ULK4: variants seen among roughly 807,000 people sequenced by gnomAD.
ULK4 encodes unc-51 like kinase 4.
ULK4 carries 133 observed loss-of-function variants against 160.6 expected under a neutral mutation model. The ratio of observed to expected loss-of-function variants is 0.83; its 90% CI spans 0.72 to 0.96. The LOEUF (loss-of-function observed/expected upper bound fraction) is 0.96, where lower values mean the gene tolerates loss of function less well. Ranked by LOEUF, ULK4 falls within the 40% of genes least tolerant of loss-of-function variation. ULK4 has a pLI of 0.00. For missense variants in ULK4, 1,580 were observed against 1,499.5 expected, an observed-to-expected ratio of 1.05 and a Z score of -0.89; for synonymous variants, 534 against 539.8, an observed-to-expected ratio of 0.99 and a Z score of 0.15.
intron 34 of ULK4, among the ~76,000 whole-genome samples, chr3:41,442,648 T>C (rs185932294): frequency 1.3e-5 from 2 of 152,152 alleles, no homozygotes; most frequent in African/African-American, 2.4e-5. Flanking sequence ...GGCTGGAGTG[T>C]AGTGGTGTCA....
chr3:41,293,755 TC>T (rs560491651), intron 35 of ULK4, among the ~76,000 whole-genome samples: 72 of 152,348 alleles, frequency 4.7e-4, no homozygotes, highest in African/African-American at 1.7e-3. Flanking sequence ...TGAAACAATG[TC>T]TGGCATACAG....
chr3:41,753,121 G>C (rs1224125754), intron 22 of ULK4, among the ~76,000 whole-genome samples: 2 of 152,142 alleles, frequency 1.3e-5, no homozygotes, highest in African/African-American at 4.8e-5. Context: ...AAGCTGAAAT[G>C]AGAGGATCGC....
intron 31 of ULK4, among the ~76,000 whole-genome samples, chr3:41,572,188 C>G (rs1452021386): frequency 6.6e-6 from 1 of 152,086 alleles, no homozygotes; most frequent in Non-Finnish European, 1.5e-5. Context: ...AAACCTTGCC[C>G]CTAATCACCA....
At chr3:41,728,823 A>G (rs970947108) in intron 22 of ULK4, among the ~76,000 whole-genome samples, 3 of 152,166 alleles carry the variant, frequency 2.0e-5, no homozygotes, top group Admixed American at 6.5e-5. Context: ...ACAAAAATGA[A>G]AAGATATATA....
At chr3:41,744,511 T>A (rs1001491137) in intron 22 of ULK4, among the ~76,000 whole-genome samples, 3 of 151,810 alleles carry the variant, frequency 2.0e-5, no homozygotes, top group Non-Finnish European at 4.4e-5. Context: ...ATACCCTAAG[T>A]AAGTATGCAG....
chr3:41,776,633 G>T (rs76223248), intron 21 of ULK4, among the ~76,000 whole-genome samples: 1 of 113,420 alleles, frequency 8.8e-6, no homozygotes, highest in Non-Finnish European at 2.0e-5. Context: ...TAGCATGAAG[G>T]GTTGTTGAAT....
chr3:41,251,032 C>G (rs1463494160), intron 35 of ULK4: 1 of 152,224 alleles, frequency 6.6e-6, no homozygotes, highest in African/African-American at 2.4e-5. Context: ...GTGCCCCGAC[C>G]AGCCCTGCCA....
intron 27 of ULK4, among the ~76,000 whole-genome samples, chr3:41,685,738 T>C (rs2036079523): frequency 6.6e-6 from 1 of 152,160 alleles, no homozygotes; most frequent in African/African-American, 2.4e-5. Flanking sequence ...TTTTGACTAA[T>C]AAAAATTTCC....
intron 32 of ULK4, among the ~76,000 whole-genome samples, chr3:41,544,722 G>A (rs1426408809): frequency 6.6e-6 from 1 of 152,140 alleles, no homozygotes; most frequent in African/African-American, 2.4e-5. Context: ...CTCCATTTCA[G>A]GTCAAACAGT....
At chr3:41,930,070 C>A (rs1021922336) in intron 5 of ULK4, among the ~76,000 whole-genome samples, 7 of 152,134 alleles carry the variant, frequency 4.6e-5, no homozygotes, top group Non-Finnish European at 2.9e-5. Flanking sequence ...AGGCATCGCA[C>A]TACCTAACCT....
intron 22 of ULK4, among the ~76,000 whole-genome samples, chr3:41,730,962 C>T (rs1347766353): frequency 1.3e-5 from 2 of 152,020 alleles, no homozygotes; most frequent in Non-Finnish European, 2.9e-5. Flanking sequence ...AGGGAAAAAA[C>T]TTGATAAAAG....
At chr3:41,266,980 T>C (rs2079045914) in intron 35 of ULK4, among the ~76,000 whole-genome samples, 1 of 123,230 alleles carries the variant, frequency 8.1e-6, no homozygotes, top group Non-Finnish European at 1.6e-5. Context: ...CTACCTCATG[T>C]GGCAAGTGTG....
At chr3:41,631,970 T>G (rs1245318342) in intron 30 of ULK4, among the ~76,000 whole-genome samples, 1 of 152,208 alleles carries the variant, frequency 6.6e-6, no homozygotes, top group Non-Finnish European at 1.5e-5. Context: ...TTCCATTCTT[T>G]CTGGGTCCTG....
At chr3:41,258,423 C>G (rs554525837) in intron 35 of ULK4, 1 of 152,194 alleles carries the variant, frequency 6.6e-6, no homozygotes, top group South Asian at 2.1e-4. Context: ...TGATTACAGA[C>G]GTCAAGAGGG....
At chr3:41,717,215 T>C (rs1050130108) in intron 23 of ULK4, among the ~76,000 whole-genome samples, 8 of 152,176 alleles carry the variant, frequency 5.3e-5, no homozygotes, top group African/African-American at 1.9e-4. Flanking sequence ...TTGATCACTA[T>C]GCATTTTATA....
chr3:41,336,287 T>C (rs995214612), intron 35 of ULK4, among the ~76,000 whole-genome samples: 3 of 152,266 alleles, frequency 2.0e-5, no homozygotes, highest in African/African-American at 4.8e-5. Context: ...TCTGGGAAAA[T>C]AACATGCAGC....
chr3:41,913,975 C>T (rs908986491), intron 8 of ULK4, among the ~76,000 whole-genome samples: 7 of 151,992 alleles, frequency 4.6e-5, no homozygotes, highest in Non-Finnish European at 7.4e-5. Flanking sequence ...GGAGGGGGTG[C>T]GGCGGTGGGA....
At chr3:41,816,036 A>T (rs2040952254) in intron 19 of ULK4, among the ~76,000 whole-genome samples, 1 of 152,130 alleles carries the variant, frequency 6.6e-6, no homozygotes, top group African/African-American at 2.4e-5. Flanking sequence ...GGATTGCTTG[A>T]GCCCAGGAGT....
At chr3:41,493,590 G>A (rs1327452950) in intron 32 of ULK4, among the ~76,000 whole-genome samples, 4,472 of 97,170 alleles carry the variant, frequency 0.046, 196 homozygotes, top group Middle Eastern at 0.064. Context: ...GAGCAGAACT[G>A]AAGCAAATAC....
Sources: gnomAD v4.1 joint callset for allele counts (sites outside exome capture counted in the v4.1 genomes callset) on GRCh38, gnomAD v4.1.1 for gene constraint, MANE v1.5 for transcripts, NCBI Gene and HGNC (gene_info 2026-07-23, HGNC 2026-07-21) for gene names.